Variants in CPNE4 observed in about 807,000 individuals in gnomAD.
The protein encoded by CPNE4 is copine 4, also known as copine-4.
In CPNE4, 25 loss-of-function variants were observed where a neutral mutation model predicts 67.9. The observed-to-expected ratio is 0.37, with a 90% CI of 0.27 to 0.51. CPNE4 has a LOEUF of 0.51. Ranked by LOEUF, CPNE4 falls within the 20% of genes least tolerant of loss-of-function variation. The pLI is 0.93. For missense variants in CPNE4, 464 were observed against 690.8 expected (o/e 0.67, Z 3.68); for synonymous variants, 242 against 244.9 (o/e 0.99, Z 0.11).
rs193275261 is a variant in CPNE4 at position 131,570,050 on chromosome 3, C to G, written c.927+5021G>C. On this transcript the variant is annotated intron_variant, in intron 10 of 15. Coordinates refer to ENST00000429747, the MANE Select transcript of CPNE4 (RefSeq NM_130808.3). ...TAACACTATGTCATAAACATGACCT[C>G]ATGTTATTATCTAAACCTTAGAATT... Among the ~76,000 whole-genome samples, 916 of 125,732 alleles carry G rather than the reference C, an allele frequency of 7.3e-3. 4 individuals carry two copies. The highest frequency in any genetic ancestry group is 0.023 in the Middle Eastern group (6 of 260). 82.5% of individuals were successfully genotyped at this position (125,732 alleles called of 152,430 possible). A position where few individuals can be genotyped will look rare whatever the true frequency, so the allele number is the denominator to read the frequency against.
intron 1 of CPNE4, among the ~76,000 whole-genome samples, chr3:131,950,495 CAG>C (rs1475363517): frequency 5.5e-5 from 8 of 146,616 alleles, no homozygotes; most frequent in African/African-American, 1.7e-4. Context: ...GAGAAGAAGG[CAG>C]AGTTTTGCCT....
In CPNE4 at chr3:131,564,067, G is replaced by A. The variant is rs1040304701; in HGVS notation, c.1061+149C>T. ...CCAGCGTGAGCAAGGTACAAACTTA[G>A]TTTTTCTAGTACAGAGGGAATGAAA... is the stretch of plus-strand genomic sequence containing the variant. On this transcript the variant is annotated intron_variant, in intron 11 of 15. Coordinates refer to ENST00000429747, the MANE Select transcript of CPNE4 (RefSeq NM_130808.3). The A allele has an allele frequency of 1.4e-5, 12 of 882,400 alleles. No individual in the cohort carries two copies. In the African/African-American group the frequency reaches 2.0e-4, roughly 15 times the overall value. 54.7% of individuals were successfully genotyped at this position (882,400 alleles called of 1,614,324 possible). A position where few individuals can be genotyped will look rare whatever the true frequency, so the allele number is the denominator to read the frequency against.
chr3:131,802,792 A>G (rs1368140089), intron 2 of CPNE4, among the ~76,000 whole-genome samples: 1 of 152,204 alleles, frequency 6.6e-6, no homozygotes, highest in Non-Finnish European at 1.5e-5. Flanking sequence ...TGAAAACAGT[A>G]TATTTTATGG....
intron 1 of CPNE4, among the ~76,000 whole-genome samples, chr3:131,915,502 C>T (rs1395476629): frequency 1.3e-5 from 2 of 152,164 alleles, no homozygotes; most frequent in Non-Finnish European, 2.9e-5. Context: ...GGAGCTACAA[C>T]ACCCAGCAAA....
intron 2 of CPNE4, among the ~76,000 whole-genome samples, chr3:131,755,167 G>C (rs2082722682): frequency 6.6e-6 from 1 of 150,850 alleles, no homozygotes. Context: ...CAGTTGCTGG[G>C]ACCTAACTAC....
chr3:131,844,902 T>C (rs2085938960), intron 2 of CPNE4, among the ~76,000 whole-genome samples: 1 of 152,204 alleles, frequency 6.6e-6, no homozygotes, highest in South Asian at 2.1e-4. Context: ...TTATGTACAC[T>C]ACGCAAGATA....
At chr3:131,970,965 A>G (rs2072483832) in intron 1 of CPNE4, among the ~76,000 whole-genome samples, 1 of 152,226 alleles carries the variant, frequency 6.6e-6, no homozygotes, top group African/African-American at 2.4e-5. Context: ...TAATTTTTGT[A>G]GGCCAGGAAT....
chr3:131,587,870 G>A (rs1026152413), intron 7 of CPNE4, among the ~76,000 whole-genome samples: 1 of 152,140 alleles, frequency 6.6e-6, no homozygotes, highest in African/African-American at 2.4e-5. Flanking sequence ...CTTGCCAAAG[G>A]GACCTTCTAG....
At chr3:131,950,383 C>A (rs1340129482) in intron 1 of CPNE4, among the ~76,000 whole-genome samples, 2 of 152,132 alleles carry the variant, frequency 1.3e-5, no homozygotes, top group East Asian at 3.9e-4. Flanking sequence ...CTCTTAGGGG[C>A]CACTTTTAAT....
chr3:131,975,649 G>C (rs910017875), intron 1 of CPNE4, among the ~76,000 whole-genome samples: 2 of 152,168 alleles, frequency 1.3e-5, no homozygotes, highest in African/African-American at 4.8e-5. Flanking sequence ...GGAAATGAAA[G>C]GTGACCCTGA....
chr3:131,946,048 A>G (rs2071543441), intron 1 of CPNE4, among the ~76,000 whole-genome samples: 1 of 152,188 alleles, frequency 6.6e-6, no homozygotes, highest in Non-Finnish European at 1.5e-5. Context: ...CATAGAAACC[A>G]TTTTAAAGAA....
intron 1 of CPNE4, among the ~76,000 whole-genome samples, chr3:131,957,231 AACAGTCCTT>A (rs1431352523): frequency 6.6e-6 from 1 of 152,252 alleles, no homozygotes. Flanking sequence ...CTGCAAAAAT[AACAGTCCTT>A]ACCAAAGGAT....
intron 1 of CPNE4, among the ~76,000 whole-genome samples, chr3:132,003,678 C>G (rs1424776393): frequency 6.6e-6 from 1 of 152,114 alleles, no homozygotes; most frequent in Admixed American, 6.6e-5. Flanking sequence ...TTATATTACA[C>G]AAACCATCAT....
chr3:131,812,634 A>T (rs2084581072), intron 2 of CPNE4, among the ~76,000 whole-genome samples: 1 of 152,214 alleles, frequency 6.6e-6, no homozygotes, highest in African/African-American at 2.4e-5. Flanking sequence ...CCATTTACTC[A>T]TTCCATTTCA....
At chr3:131,963,809 G>A (rs9869063) in intron 1 of CPNE4, among the ~76,000 whole-genome samples, 55,839 of 152,098 alleles carry the variant, frequency 0.37, 10,721 homozygotes, top group Non-Finnish European at 0.43. Context: ...TTGGCACTAC[G>A]GCAGACTTAA....
At chr3:131,579,620 A>C (rs879364496) in intron 9 of CPNE4, among the ~76,000 whole-genome samples, 5 of 152,184 alleles carry the variant, frequency 3.3e-5, no homozygotes, top group Non-Finnish European at 7.4e-5. Flanking sequence ...TGAAATATCA[A>C]CACTAATAGG....
At chr3:131,580,520 A>G (rs76644882) in intron 9 of CPNE4, among the ~76,000 whole-genome samples, 3 of 150,942 alleles carry the variant, frequency 2.0e-5, no homozygotes, top group African/African-American at 7.4e-5. Context: ...TGCACACACA[A>G]CAATCATCTG....
At chr3:132,028,415 T>C (rs983322080) in intron 1 of CPNE4, among the ~76,000 whole-genome samples, 1 of 152,218 alleles carries the variant, frequency 6.6e-6, no homozygotes, top group Non-Finnish European at 1.5e-5. Context: ...CAAGTTTTTA[T>C]GTTTATCCCC....
chr3:131,817,908 G>A (rs1050233878), intron 2 of CPNE4, among the ~76,000 whole-genome samples: 6 of 152,180 alleles, frequency 3.9e-5, no homozygotes, highest in Non-Finnish European at 8.8e-5. Flanking sequence ...ACTCACATCT[G>A]AAAGGTTGCC....
Sources: allele counts gnomAD v4.1 joint callset (sites outside exome capture counted in the v4.1 genomes callset), GRCh38; gene constraint gnomAD v4.1.1; transcripts MANE v1.5; gene names NCBI Gene and HGNC (gene_info 2026-07-23, HGNC 2026-07-21).